The following CDK14 variants were observed in gnomAD, a reference collection of about 807,000 sequenced individuals.
The protein encoded by CDK14 is cyclin-dependent kinase 14.
In CDK14, 34 loss-of-function variants were observed where a neutral mutation model predicts 60.7. The observed-to-expected ratio is 0.56, with a 90% CI of 0.43 to 0.75. The LOEUF (loss-of-function observed/expected upper bound fraction) is 0.75, where lower values mean the gene tolerates loss of function less well. Among genes scored for constraint, CDK14 ranks in the 30% least tolerant of loss-of-function variants. CDK14 has a pLI of 0.00. For missense variants in CDK14, 482 were observed against 564.1 expected (o/e 0.85, Z 1.47); for synonymous variants, 197 against 203.7 (o/e 0.97, Z 0.28).
intron 8 of CDK14, among the ~76,000 whole-genome samples, chr7:90,945,971 A>G (rs1794086681): frequency 6.6e-6 from 1 of 152,194 alleles, no homozygotes; most frequent in Admixed American, 6.5e-5. Flanking sequence ...TGCAGCTAGG[A>G]GACCAGTTAA....
intron 2 of CDK14, among the ~76,000 whole-genome samples, chr7:90,670,806 A>G (rs1330621909): frequency 6.6e-6 from 1 of 152,140 alleles, no homozygotes; most frequent in Non-Finnish European, 1.5e-5. Flanking sequence ...ACATTTCAAC[A>G]TGAAATTCGG....
chr7:91,173,678 T>A (rs1801610452), intron 14 of CDK14, among the ~76,000 whole-genome samples: 1 of 151,840 alleles, frequency 6.6e-6, no homozygotes, highest in African/African-American at 2.4e-5. Context: ...CCTTTCTGAG[T>A]CAAAGAAAGG....
At chr7:90,860,334 A>G (rs1194839021) in intron 5 of CDK14, among the ~76,000 whole-genome samples, 1 of 151,924 alleles carries the variant, frequency 6.6e-6, no homozygotes, top group Non-Finnish European at 1.5e-5. Flanking sequence ...TTGTAAATAT[A>G]TTTATATCAT....
chr7:90,735,021 T>G (rs140260295), intron 3 of CDK14, among the ~76,000 whole-genome samples: 1,952 of 152,304 alleles, frequency 0.013, 57 homozygotes, highest in African/African-American at 0.045. Flanking sequence ...TTTGTTGATG[T>G]TGATGCTGTT....
chr7:90,970,461 T>G (rs1046756671), intron 9 of CDK14, among the ~76,000 whole-genome samples: 5 of 152,230 alleles, frequency 3.3e-5, no homozygotes, highest in Non-Finnish European at 7.3e-5. Flanking sequence ...TTGCCATCTC[T>G]ATTTGCTCTT....
chr7:91,044,572 C>G (rs771242403), intron 10 of CDK14, among the ~76,000 whole-genome samples: 1 of 152,214 alleles, frequency 6.6e-6, no homozygotes, highest in Non-Finnish European at 1.5e-5. Context: ...AGCTCCCCTT[C>G]CCCATCATGG....
At chr7:90,861,508 G>A (rs1249375859) in intron 5 of CDK14, among the ~76,000 whole-genome samples, 1 of 152,154 alleles carries the variant, frequency 6.6e-6, no homozygotes, top group African/African-American at 2.4e-5. Context: ...GACAAAACTG[G>A]GATGCTGTGT....
chr7:90,597,706 G>T (rs960742959), intron 1 of CDK14, among the ~76,000 whole-genome samples: 1 of 152,094 alleles, frequency 6.6e-6, no homozygotes, highest in Non-Finnish European at 1.5e-5. Context: ...AAACATAAAG[G>T]TACTTAATTC....
intron 4 of CDK14, among the ~76,000 whole-genome samples, chr7:90,771,028 C>G (rs1804764998): frequency 6.6e-6 from 1 of 152,188 alleles, no homozygotes; most frequent in Non-Finnish European, 1.5e-5. Context: ...CAGTAAGAAT[C>G]ATGTTATGTC....
intron 10 of CDK14, among the ~76,000 whole-genome samples, chr7:91,010,849 C>A (rs1162549905): frequency 7.9e-6 from 1 of 126,978 alleles, no homozygotes; most frequent in Non-Finnish European, 1.7e-5. Context: ...CCCTCCCTCC[C>A]TCCCTCCCTC....
chr7:90,721,085 A>G (rs1198217479), intron 2 of CDK14, among the ~76,000 whole-genome samples: 1 of 152,174 alleles, frequency 6.6e-6, no homozygotes, highest in Admixed American at 6.6e-5. Flanking sequence ...GTACTTTGTA[A>G]TACGTTGCTT....
intron 6 of CDK14, among the ~76,000 whole-genome samples, chr7:90,879,269 A>G (rs1211609614): frequency 6.6e-6 from 1 of 152,274 alleles, no homozygotes; most frequent in Admixed American, 6.5e-5. Flanking sequence ...ACTACACCAT[A>G]TACAACATAT....
chr7:90,687,249 T>C (rs936433554), intron 2 of CDK14, among the ~76,000 whole-genome samples: 1 of 152,086 alleles, frequency 6.6e-6, no homozygotes, highest in Non-Finnish European at 1.5e-5. Flanking sequence ...TAGCCAAATA[T>C]GTTCTTTTTT....
At chr7:90,642,635 C>T (rs1424952065) in intron 2 of CDK14, among the ~76,000 whole-genome samples, 1 of 152,180 alleles carries the variant, frequency 6.6e-6, no homozygotes, top group Non-Finnish European at 1.5e-5. Context: ...CTGCCTTGGC[C>T]TCCCAAAGTG....
chr7:90,680,660 C>T (rs1801295917), intron 2 of CDK14, among the ~76,000 whole-genome samples: 1 of 152,158 alleles, frequency 6.6e-6, no homozygotes, highest in Non-Finnish European at 1.5e-5. Context: ...TCGTTGTCAT[C>T]ACATATCAGA....
chr7:90,630,888 A>ATGTGTATGTGTG lies in CDK14; in HGVS notation c.123+26644_123+26645insATGTGTGTGTGT, dbSNP rs71526691. On this transcript the variant is annotated intron_variant, in intron 2 of 14. Coordinates refer to ENST00000380050, the MANE Select transcript of CDK14 (RefSeq NM_001287135.2). ...TGAGTATTTACATCTTGGGGTGTGT[A>ATGTGTATGTGTG]TGTGTGTGTGTGTGTGTGTGTGTGT... 2.0e-5 allele frequency among the ~76,000 whole-genome samples: 3 copies of ATGTGTATGTGTG among 148,470 alleles called. No individual in the cohort carries two copies. In the Admixed American group the frequency reaches 2.0e-4, roughly 10 times the overall value.
Position 90,853,824 on chromosome 7 carries a change from A to G in CDK14, c.545-9351A>G, listed in dbSNP as rs76844909. ...TTGGGATAGGACTCCATGAATCTGC[A>G]TTGGTATCAGGCACACCAGTTGACT... On this transcript the variant is annotated intron_variant, in intron 5 of 14. Transcript: ENST00000380050. 8.5e-3 allele frequency among the ~76,000 whole-genome samples: 1,291 copies of G among 152,254 alleles called. 26 individuals are homozygous for G. Among genetic ancestry groups the G allele is most frequent in the African/African-American group, 0.027 (1,122 of 41,552 alleles).
chr7:90,671,348 C>T (rs1801095192), intron 2 of CDK14, among the ~76,000 whole-genome samples: 1 of 151,544 alleles, frequency 6.6e-6, no homozygotes, highest in Non-Finnish European at 1.5e-5. Flanking sequence ...CTTCTGCAAC[C>T]TTGATAAGAA....
intron 2 of CDK14, among the ~76,000 whole-genome samples, chr7:90,616,262 T>A (rs1303145201): frequency 6.6e-6 from 1 of 152,110 alleles, no homozygotes; most frequent in Non-Finnish European, 1.5e-5. Context: ...TGAGAATAAC[T>A]TATGGTTACT....
Sources: allele counts gnomAD v4.1 joint callset (sites outside exome capture counted in the v4.1 genomes callset), GRCh38; gene constraint gnomAD v4.1.1; transcripts MANE v1.5; gene names NCBI Gene and HGNC (gene_info 2026-07-23, HGNC 2026-07-21).